Variants in EYS observed in about 807,000 individuals in gnomAD.
EYS encodes the protein EGF-like photoreceptor maintenance factor, also known as protein eyes shut homolog.
A neutral mutation model predicts 282.1 loss-of-function variants in EYS; 250 were observed. The ratio of observed to expected loss-of-function variants is 0.89; its 90% CI spans 0.80 to 0.98. The LOEUF is 0.98. Among genes scored for constraint, EYS ranks in the 50% least tolerant of loss-of-function variants. The pLI is 0.00. For missense variants in EYS, 4,016 were observed against 3,709.0 expected, an observed-to-expected ratio of 1.08 and a Z score of -2.15; for synonymous variants, 1,355 against 1,282.9, an observed-to-expected ratio of 1.06 and a Z score of -1.20.
intron 29 of EYS, among the ~76,000 whole-genome samples, chr6:64,345,071 C>G (rs573551702): frequency 3.9e-5 from 6 of 152,234 alleles, no homozygotes; most frequent in African/African-American, 1.4e-4. Context: ...AATGGAAGAA[C>G]ATTCCATGCT....
intron 2 of EYS, among the ~76,000 whole-genome samples, chr6:65,590,706 G>A (rs1180613646): frequency 1.3e-5 from 2 of 151,818 alleles, no homozygotes; most frequent in African/African-American, 4.8e-5. Context: ...TGAAGATTCC[G>A]TTTATGAGAT....
chr6:65,671,499 T>C (rs1227121805), intron 1 of EYS, among the ~76,000 whole-genome samples: 1 of 152,028 alleles, frequency 6.6e-6, no homozygotes, highest in Non-Finnish European at 1.5e-5. Flanking sequence ...ACATAACTAA[T>C]GGAAAAAAAA....
At position 65,671,088 on chromosome 6, in the gene EYS, G is replaced by C. The variant is rs186099489; in HGVS notation, c.-447-31196C>G. The stretch of plus-strand genomic sequence containing the variant: ...CTTAAAATTTAAGAATTTATGCCAT[G>C]TTATATGTTAATTTTATGCATCCAC... On this transcript the variant is annotated intron_variant, in intron 1 of 42. Coordinates refer to ENST00000503581, the MANE Select transcript of EYS (RefSeq NM_001142800.2). Among the ~76,000 whole-genome samples the C allele has an allele frequency of 9.2e-5, 14 of 152,178 alleles. No homozygotes were observed. In the East Asian group the frequency reaches 2.5e-3, roughly 27 times the overall value.
At chr6:65,487,525 G>C (rs879070311) in intron 5 of EYS, among the ~76,000 whole-genome samples, 1 of 152,100 alleles carries the variant, frequency 6.6e-6, no homozygotes, top group Non-Finnish European at 1.5e-5. Flanking sequence ...GTATGAAGCC[G>C]ACTTGATCTT....
intron 1 of EYS, among the ~76,000 whole-genome samples, chr6:65,665,025 G>A (rs1336202804): frequency 6.6e-6 from 1 of 152,112 alleles, no homozygotes; most frequent in Admixed American, 6.6e-5. Context: ...GCAGTTAAAT[G>A]TACCCAGTTT....
rs1771989206 is a variant in EYS at position 64,081,985 on chromosome 6, G to T, written c.6442C>A (p.Pro2148Thr). The T allele has an allele frequency of 6.5e-7, 1 of 1,542,820 alleles. No individual in the cohort carries two copies. ...FCEKDAGLFF[P>T]SFNGNSYLEL... ...AAATAGGAATTCCCATTGAAAGATGGAAAGAATAAACCTGCATCTAAAAAA... is the reference window on the plus strand; with the variant it reads ...AAATAGGAATTCCCATTGAAAGATGTAAAGAATAAACCTGCATCTAAAAAA... The change falls in exon 32 of 43, where the codon CCA (proline) becomes ACA (threonine). Residue 2148 changes from proline to threonine, a missense_variant. By Grantham distance (38) the Pro-to-Thr change is conservative. Coordinates refer to ENST00000503581, the MANE Select transcript of EYS (RefSeq NM_001142800.2).
chr6:64,829,923 C>T (rs1765166926), intron 19 of EYS, among the ~76,000 whole-genome samples: 1 of 151,898 alleles, frequency 6.6e-6, no homozygotes, highest in Non-Finnish European at 1.5e-5. Context: ...CTAGAGAATA[C>T]CACTAGAATC....
chr6:65,425,223 C>T (rs1298057480), intron 5 of EYS, among the ~76,000 whole-genome samples: 1 of 152,004 alleles, frequency 6.6e-6, no homozygotes, highest in Non-Finnish European at 1.5e-5. Flanking sequence ...CATTAAAATA[C>T]TTGAATTACA....
At chr6:65,362,110 C>T (rs1312837743) in intron 8 of EYS, among the ~76,000 whole-genome samples, 1 of 152,000 alleles carries the variant, frequency 6.6e-6, no homozygotes, top group African/African-American at 2.4e-5. Context: ...ACTACAAGAA[C>T]AAAAATGTGG....
intron 1 of EYS, among the ~76,000 whole-genome samples, chr6:65,681,518 T>A (rs147987041): frequency 1.7e-4 from 26 of 152,096 alleles, no homozygotes; most frequent in African/African-American, 6.3e-4. Context: ...ACGTTAATGA[T>A]CTTCACGATA....
At chr6:64,436,923 A>C (rs934893357) in intron 27 of EYS, among the ~76,000 whole-genome samples, 1 of 151,762 alleles carries the variant, frequency 6.6e-6, no homozygotes, top group Admixed American at 6.6e-5. Context: ...TCTTTCCCAG[A>C]GAGGGGCTTT....
intron 29 of EYS, among the ~76,000 whole-genome samples, chr6:64,313,288 T>C (rs566966630): frequency 1.1e-3 from 166 of 152,126 alleles, no homozygotes; most frequent in Non-Finnish European, 1.7e-3. Flanking sequence ...TATCAGAGAT[T>C]GAAGATCAAC....
At chr6:64,755,676 A>G (rs2149973787) in intron 22 of EYS, among the ~76,000 whole-genome samples, 1 of 152,204 alleles carries the variant, frequency 6.6e-6, no homozygotes, top group South Asian at 2.1e-4. Flanking sequence ...CTCACTTGTA[A>G]GTTTGAGCTA....
At chr6:64,236,709 C>A (rs9362619) in intron 30 of EYS, among the ~76,000 whole-genome samples, 39,359 of 148,390 alleles carry the variant, frequency 0.27, 5,461 homozygotes, top group East Asian at 0.44. Context: ...CATATGTATT[C>A]TTTTTCTTCC....
At chr6:65,226,573 C>T (rs1766631589) in intron 12 of EYS, among the ~76,000 whole-genome samples, 1 of 152,042 alleles carries the variant, frequency 6.6e-6, no homozygotes, top group East Asian at 1.9e-4. Flanking sequence ...ACAGTGAGAT[C>T]CACTTCATCC....
At position 65,678,881 on chromosome 6, in the gene EYS, G is replaced by A. The variant is rs150307668; in HGVS notation, c.-448+28254C>T. ...AAAAGATGCTAAATCTTTTTAAACAGGAAAAAACAGATCAAAACCACAATG... is the reference window on the plus strand; with the variant it reads ...AAAAGATGCTAAATCTTTTTAAACAAGAAAAAACAGATCAAAACCACAATG... On this transcript the variant is annotated intron_variant, in intron 1 of 42. Coordinates refer to ENST00000503581, the MANE Select transcript of EYS (RefSeq NM_001142800.2). Among the ~76,000 whole-genome samples the A allele has an allele frequency of 5.6e-3, 828 of 147,790 alleles. 8 individuals carry two copies. Among genetic ancestry groups the A allele is most frequent in the African/African-American group, 0.019 (776 of 40,674 alleles).
intron 1 of EYS, among the ~76,000 whole-genome samples, chr6:65,659,321 C>G (rs1767930101): frequency 6.6e-6 from 1 of 151,582 alleles, no homozygotes; most frequent in South Asian, 2.1e-4. Context: ...TCTGGCAATA[C>G]AAGTTTATTT....
At chr6:64,438,693 G>C (rs867949866) in intron 27 of EYS, among the ~76,000 whole-genome samples, 1 of 151,566 alleles carries the variant, frequency 6.6e-6, no homozygotes, top group African/African-American at 2.4e-5. Context: ...ATCATGTACC[G>C]TTTGAAATAT....
chr6:65,030,411 C>T (rs1156893352), intron 13 of EYS, among the ~76,000 whole-genome samples: 1 of 152,106 alleles, frequency 6.6e-6, no homozygotes, highest in Admixed American at 6.5e-5. Flanking sequence ...ACACTGCAGC[C>T]TCCCCACACC....
Sources: allele counts gnomAD v4.1 joint callset (sites outside exome capture counted in the v4.1 genomes callset), GRCh38; gene constraint gnomAD v4.1.1; transcripts MANE v1.5; gene names NCBI Gene and HGNC (gene_info 2026-07-23, HGNC 2026-07-21).